The following SAMD12 variants were observed in gnomAD, a reference collection of about 807,000 sequenced individuals.
The protein encoded by SAMD12 is sterile alpha motif domain containing 12.
A neutral mutation model predicts 15.0 loss-of-function variants in SAMD12; 9 were observed. That is an observed-to-expected ratio of 0.60 (90% CI 0.36 to 1.05). SAMD12 has a LOEUF of 1.05. SAMD12 is among the 50% of genes least tolerant of loss of function. The pLI, the probability that SAMD12 is intolerant of heterozygous loss-of-function variation, is 0.01. For synonymous variants in SAMD12, 86 were observed against 90.1 expected (o/e 0.96, Z 0.25); for missense variants, 230 against 234.2 (o/e 0.98, Z 0.12).
chr8:118,609,124 G>A (rs910304889), intron 1 of SAMD12, among the ~76,000 whole-genome samples: 4 of 152,134 alleles, frequency 2.6e-5, no homozygotes, highest in African/African-American at 9.7e-5. Flanking sequence ...ATAGAATAAA[G>A]AACAAGTAAG....
intron 3 of SAMD12, among the ~76,000 whole-genome samples, chr8:118,419,824 T>C (rs1027434805): frequency 5.3e-5 from 8 of 152,200 alleles, no homozygotes; most frequent in African/African-American, 1.7e-4. Context: ...AAGATTTATA[T>C]AGAAGGACAC....
At chr8:118,553,153 A>C (rs1279811978) in intron 2 of SAMD12, among the ~76,000 whole-genome samples, 1 of 151,940 alleles carries the variant, frequency 6.6e-6, no homozygotes, top group Non-Finnish European at 1.5e-5. Context: ...GCTACCAATG[A>C]CTTTCTTCAC....
intron 4 of SAMD12, among the ~76,000 whole-genome samples, chr8:118,322,638 C>A (rs563253938): frequency 6.6e-6 from 1 of 152,162 alleles, no homozygotes; most frequent in East Asian, 1.9e-4. Flanking sequence ...ATATAAAATC[C>A]TGGGCTGTGG....
intron 4 of SAMD12, among the ~76,000 whole-genome samples, chr8:118,238,197 G>A (rs1375755762): frequency 6.6e-6 from 1 of 151,880 alleles, no homozygotes; most frequent in African/African-American, 2.4e-5. Context: ...CCACTGAGAG[G>A]GTTACGTGAG....
At chr8:118,543,040 A>G (rs1586802519) in intron 2 of SAMD12, among the ~76,000 whole-genome samples, 1 of 152,328 alleles carries the variant, frequency 6.6e-6, no homozygotes, top group East Asian at 1.9e-4. Flanking sequence ...AAAAAAAGGA[A>G]AAAGATGAGA....
chr8:118,394,588 G>T (rs773425642), intron 3 of SAMD12, among the ~76,000 whole-genome samples: 1 of 152,178 alleles, frequency 6.6e-6, no homozygotes, highest in Non-Finnish European at 1.5e-5. Context: ...AAGAGTGACA[G>T]TCCCATATTG....
At chr8:118,431,072 T>C (rs1481681555) in intron 3 of SAMD12, among the ~76,000 whole-genome samples, 2 of 152,192 alleles carry the variant, frequency 1.3e-5, no homozygotes, top group East Asian at 1.9e-4. Flanking sequence ...GTGTTTGCCT[T>C]ACAGTTAACA....
At chr8:118,202,189 C>G (rs1819734194) in intron 4 of SAMD12, among the ~76,000 whole-genome samples, 1 of 151,340 alleles carries the variant, frequency 6.6e-6, no homozygotes, top group South Asian at 2.1e-4. Flanking sequence ...GTGATAGCTA[C>G]TATTGTTTTA....
intron 4 of SAMD12, among the ~76,000 whole-genome samples, chr8:118,295,474 T>A (rs1321614564): frequency 6.6e-6 from 1 of 152,190 alleles, no homozygotes; most frequent in Non-Finnish European, 1.5e-5. Context: ...CATCAGTGGA[T>A]AATAATGATG....
At chr8:118,154,257 C>T in the SAMD12 span, among the ~76,000 whole-genome samples, 1 of 152,162 alleles carries the variant, frequency 6.6e-6, no homozygotes, top group Non-Finnish European at 1.5e-5. Flanking sequence ...CATTTCGTTT[C>T]ACCCCATCTG....
At chr8:118,482,051 C>A (rs2130991986) in intron 2 of SAMD12, among the ~76,000 whole-genome samples, 1 of 152,308 alleles carries the variant, frequency 6.6e-6, no homozygotes, top group South Asian at 2.1e-4. Context: ...GGATTCACAT[C>A]CAGGCAGTAT....
At chr8:118,423,412 T>C (rs2130851698) in intron 3 of SAMD12, among the ~76,000 whole-genome samples, 1 of 152,278 alleles carries the variant, frequency 6.6e-6, no homozygotes, top group African/African-American at 2.4e-5. Context: ...TCTTTTTAAA[T>C]TCACTGAGAG....
chr8:118,370,656 C>A (rs538891065), intron 4 of SAMD12, among the ~76,000 whole-genome samples: 1 of 152,186 alleles, frequency 6.6e-6, no homozygotes, highest in Non-Finnish European at 1.5e-5. Context: ...GAGCTGGAAG[C>A]CATTATCCTC....
At chr8:118,344,066 A>G (rs1019662349) in intron 4 of SAMD12, among the ~76,000 whole-genome samples, 1 of 152,230 alleles carries the variant, frequency 6.6e-6, no homozygotes, top group African/African-American at 2.4e-5. Context: ...CTGCCAGGAA[A>G]TGAAGCAAGC....
intron 2 of SAMD12, among the ~76,000 whole-genome samples, chr8:118,447,314 C>CTTTTTTTTTTTTTTTTTT (rs1822944335): frequency 7.4e-6 from 1 of 134,874 alleles, no homozygotes; most frequent in Non-Finnish European, 1.6e-5. Context: ...TTTTTTTTTT[C>CTTTTTTTTTTTTTTTTTT]TTTTTTGAGA....
chr8:118,579,791 A>G (rs1827237829), intron 2 of SAMD12, among the ~76,000 whole-genome samples: 1 of 152,152 alleles, frequency 6.6e-6, no homozygotes, highest in Non-Finnish European at 1.5e-5. Flanking sequence ...ACAAAGGGAG[A>G]AACAAAACTA....
intron 4 of SAMD12, among the ~76,000 whole-genome samples, chr8:118,343,526 TCTC>T (rs1048799215): frequency 6.6e-6 from 1 of 152,100 alleles, no homozygotes; most frequent in African/African-American, 2.4e-5. Flanking sequence ...AGCAGTCACA[TCTC>T]AGGACAATCA....
chr8:118,173,298 C>T, the SAMD12 span, among the ~76,000 whole-genome samples: 1 of 152,054 alleles, frequency 6.6e-6, no homozygotes, highest in East Asian at 1.9e-4. Context: ...GTTAGGCCTG[C>T]CGCTGTAATG....
At chr8:118,391,873 C>T (rs1407456322) in intron 3 of SAMD12, among the ~76,000 whole-genome samples, 1 of 150,460 alleles carries the variant, frequency 6.6e-6, no homozygotes, top group Admixed American at 6.6e-5. Flanking sequence ...GCTACAAAAA[C>T]AATAATGTGA....
Sources: allele counts gnomAD v4.1 joint callset (sites outside exome capture counted in the v4.1 genomes callset), GRCh38; gene constraint gnomAD v4.1.1; transcripts MANE v1.5; gene names NCBI Gene and HGNC (gene_info 2026-07-23, HGNC 2026-07-21).